SEMA3E: variants seen among roughly 807,000 people sequenced by gnomAD.
SEMA3E encodes semaphorin-3E.
Under a neutral mutation model 93.6 loss-of-function variants are expected in SEMA3E, and 49 were observed. The observed-to-expected ratio is 0.52, with a 90% CI of 0.42 to 0.66. The LOEUF (loss-of-function observed/expected upper bound fraction) is 0.66, where lower values mean the gene tolerates loss of function less well. Ranked by LOEUF, SEMA3E falls within the 30% of genes least tolerant of loss-of-function variation. SEMA3E has a pLI of 0.00. For missense variants in SEMA3E, 906 were observed against 964.8 expected, an observed-to-expected ratio of 0.94 and a Z score of 0.81; for synonymous variants, 363 against 330.7, an observed-to-expected ratio of 1.10 and a Z score of -1.06.
chr7:83,400,302 A>T (rs1269859625), intron 10 of SEMA3E, 52 bp from the exon 11 acceptor site: 1 of 1,522,222 alleles, frequency 6.6e-7, no homozygotes, highest in Non-Finnish European at 9.1e-7. Context: ...CCAAAGAGAA[A>T]ATTTATAATC....
chr7:83,549,384 A>G (rs1016176965), intron 1 of SEMA3E, among the ~76,000 whole-genome samples: 10 of 152,146 alleles, frequency 6.6e-5, no homozygotes, highest in Non-Finnish European at 1.5e-4. Context: ...TGGTTTTACC[A>G]TCTATTAGTC....
At chr7:83,533,554 GATAAA>G (rs201440310) in intron 1 of SEMA3E, among the ~76,000 whole-genome samples, 3,518 of 149,878 alleles carry the variant, frequency 0.023, 69 homozygotes, top group African/African-American at 0.059. Flanking sequence ...AATAAAATAC[GATAAA>G]ATAAAATAAA....
intron 1 of SEMA3E, among the ~76,000 whole-genome samples, chr7:83,559,596 C>G (rs1791986148): frequency 6.6e-6 from 1 of 151,906 alleles, no homozygotes; most frequent in African/African-American, 2.4e-5. Context: ...TGTGAAGCAA[C>G]AGGAACTCTA....
chr7:83,620,866 T>C (rs1448890900), intron 1 of SEMA3E, among the ~76,000 whole-genome samples: 1 of 152,106 alleles, frequency 6.6e-6, no homozygotes, highest in African/African-American at 2.4e-5. Context: ...GAGCCACATA[T>C]GATAAGCCCA....
At chr7:83,521,249 G>C (rs916886363) in intron 1 of SEMA3E, among the ~76,000 whole-genome samples, 2 of 152,006 alleles carry the variant, frequency 1.3e-5, no homozygotes, top group Non-Finnish European at 2.9e-5. Context: ...AGGAAATCAT[G>C]GAAAGAACAC....
At position 83,606,654 on chromosome 7, in the gene SEMA3E, C is replaced by T. The variant is rs577650850; in HGVS notation, c.115+41774G>A. On this transcript the variant is annotated intron_variant, in intron 1 of 16. Coordinates refer to ENST00000643230, the MANE Select transcript of SEMA3E (RefSeq NM_012431.3). ...GGAGGGATAGCATTGGGAGATATACCTAATGCTAGATGACACGTTAGTGGG... is the reference window on the plus strand; with the variant it reads ...GGAGGGATAGCATTGGGAGATATACTTAATGCTAGATGACACGTTAGTGGG... Among the ~76,000 whole-genome samples, 10 of 145,168 alleles carry T rather than the reference C, an allele frequency of 6.9e-5. No homozygotes were observed. The East Asian group carries it at 2.0e-3, about 29-fold the overall frequency.
At chr7:83,642,123 A>G (rs1261176159) in intron 1 of SEMA3E, among the ~76,000 whole-genome samples, 1 of 152,182 alleles carries the variant, frequency 6.6e-6, no homozygotes, top group African/African-American at 2.4e-5. Context: ...TGCCAAAGCT[A>G]CAAACTAAAT....
At chr7:83,623,956 T>G (rs1793618739) in intron 1 of SEMA3E, among the ~76,000 whole-genome samples, 1 of 151,484 alleles carries the variant, frequency 6.6e-6, no homozygotes, top group Admixed American at 6.6e-5. Flanking sequence ...CTCCCACTTA[T>G]GAGTGAGAAT....
At chr7:83,493,367 A>C (rs1319098819) in intron 1 of SEMA3E, among the ~76,000 whole-genome samples, 1 of 151,952 alleles carries the variant, frequency 6.6e-6, no homozygotes, top group Non-Finnish European at 1.5e-5. Flanking sequence ...GAAAAAAAAT[A>C]TAATAAGGAA....
intron 1 of SEMA3E, among the ~76,000 whole-genome samples, chr7:83,628,474 C>A (rs1198875443): frequency 6.6e-6 from 1 of 151,896 alleles, no homozygotes; most frequent in Non-Finnish European, 1.5e-5. Context: ...TTCTTGGAGG[C>A]TTTTTTCATT....
chr7:83,475,865 A>C (rs1789998817), intron 2 of SEMA3E, among the ~76,000 whole-genome samples: 1 of 152,182 alleles, frequency 6.6e-6, no homozygotes, highest in Non-Finnish European at 1.5e-5. Context: ...TAGCAGCAAA[A>C]CTAATAATGG....
intron 14 of SEMA3E, among the ~76,000 whole-genome samples, chr7:83,390,605 G>A (rs1408198033): frequency 1.3e-5 from 2 of 152,070 alleles, no homozygotes; most frequent in African/African-American, 2.4e-5. Context: ...CAGGTCTGAA[G>A]CAAAAATGAT....
chr7:83,398,319 T>C (rs1215595144), intron 11 of SEMA3E, among the ~76,000 whole-genome samples: 1 of 152,170 alleles, frequency 6.6e-6, no homozygotes, highest in Non-Finnish European at 1.5e-5. Flanking sequence ...ACTAGGTTGG[T>C]GCAAATTTAT....
At chr7:83,383,745 A>G (rs73169970) in intron 16 of SEMA3E, among the ~76,000 whole-genome samples, 1 of 152,126 alleles carries the variant, frequency 6.6e-6, no homozygotes, top group Non-Finnish European at 1.5e-5. Context: ...TGATTTGGTA[A>G]AGATTTCCAA....
At chr7:83,474,416 A>G (rs1789967787) in intron 2 of SEMA3E, among the ~76,000 whole-genome samples, 1 of 152,230 alleles carries the variant, frequency 6.6e-6, no homozygotes, top group Non-Finnish European at 1.5e-5. Flanking sequence ...ATGAGCCCCA[A>G]GCAGTTTTTT....
At chr7:83,454,734 A>C (rs1453048005) in intron 4 of SEMA3E, among the ~76,000 whole-genome samples, 1 of 152,224 alleles carries the variant, frequency 6.6e-6, no homozygotes, top group Non-Finnish European at 1.5e-5. Flanking sequence ...CTAAAAATAT[A>C]TTTTCAATAT....
At chr7:83,561,184 G>A (rs1792022539) in intron 1 of SEMA3E, among the ~76,000 whole-genome samples, 1 of 151,988 alleles carries the variant, frequency 6.6e-6, no homozygotes, top group Admixed American at 6.6e-5. Flanking sequence ...AAGTTAATGA[G>A]TTGAGAATTA....
At chr7:83,467,597 T>C (rs533698380) in intron 3 of SEMA3E, among the ~76,000 whole-genome samples, 24 of 152,346 alleles carry the variant, frequency 1.6e-4, no homozygotes, top group Admixed American at 3.3e-4. Flanking sequence ...CTGGTCTCTG[T>C]TGCAACTATT....
chr7:83,632,155 CAAA>C (rs61218994), intron 1 of SEMA3E, among the ~76,000 whole-genome samples: 4 of 90,838 alleles, frequency 4.4e-5, no homozygotes, highest in Admixed American at 1.2e-4. Flanking sequence ...AACTCCATCT[CAAA>C]AAAAAAAAAA....
Sources: allele counts gnomAD v4.1 joint callset (sites outside exome capture counted in the v4.1 genomes callset), GRCh38; gene constraint gnomAD v4.1.1; transcripts MANE v1.5; gene names NCBI Gene and HGNC (gene_info 2026-07-23, HGNC 2026-07-21).